The following FSIP2 variants were observed in gnomAD, a reference collection of about 807,000 sequenced individuals.
FSIP2 encodes fibrous sheath interacting protein 2, also known as fibrous sheath-interacting protein 2.
A neutral mutation model predicts 510.5 loss-of-function variants in FSIP2; 367 were observed. The ratio of observed to expected loss-of-function variants is 0.72; its 90% confidence interval spans 0.66 to 0.78. The LOEUF is 0.78. FSIP2 is among the 30% of genes least tolerant of loss of function. FSIP2 has a pLI of 0.00. For synonymous variants in FSIP2, 2,601 were observed against 2,732.2 expected (o/e 0.95, Z 1.50); for missense variants, 7,594 against 7,901.7 (o/e 0.96, Z 1.48).
At chr2:185,772,753 T>C (rs899642431) in intron 13 of FSIP2, among the ~76,000 whole-genome samples, 1 of 152,200 alleles carries the variant, frequency 6.6e-6, no homozygotes, top group South Asian at 2.1e-4. Context: ...TTTGTGTGTT[T>C]TCATAATGGT....
intron 13 of FSIP2, among the ~76,000 whole-genome samples, chr2:185,782,189 C>T (rs1559022296): frequency 1.3e-5 from 2 of 152,144 alleles, no homozygotes; most frequent in African/African-American, 4.8e-5. Flanking sequence ...TGTGGGAAGT[C>T]ATAATCAGGT....
chr2:185,752,768 G>T (rs1372718147), intron 7 of FSIP2, among the ~76,000 whole-genome samples: 1 of 151,124 alleles, frequency 6.6e-6, no homozygotes, highest in Non-Finnish European at 1.5e-5. Context: ...CAACATTTGT[G>T]TCATTTTTGA....
intron 14 of FSIP2, among the ~76,000 whole-genome samples, chr2:185,783,472 T>G (rs571062493): frequency 5.9e-5 from 9 of 152,138 alleles, no homozygotes; most frequent in Non-Finnish European, 1.3e-4. Flanking sequence ...AAACCCCAAA[T>G]TCCTATGAAG....
upstream of FSIP2, chr2:185,738,608 C>T: frequency 6.5e-7 from 1 of 1,535,750 alleles, no homozygotes; most frequent in Non-Finnish European, 8.7e-7. Flanking sequence ...TTGGCTAAGG[C>T]GTGATGGTTT....
Position 185,801,403 on chromosome 2 carries a change from C to A in FSIP2, c.12097C>A (p.Leu4033Met). 6.5e-7 allele frequency: 1 copy of A among 1,534,028 alleles called. No homozygotes were observed. The highest frequency in any genetic ancestry group is 8.7e-7 in the Non-Finnish European group (1 of 1,145,522). The change falls in exon 17 of 23, where the codon CTG becomes ATG. Residue 4033 changes from leucine (L) to methionine (M), a missense_variant. Coordinates refer to ENST00000424728, the MANE Select transcript of FSIP2 (RefSeq NM_173651.4). ...VTVLRNAEERLCFPPVHTETV... is the reference protein window; with the variant it reads ...VTVLRNAEERMCFPPVHTETV... ...TGTTCTACGGAATGCTGAAGAAAGG[C>A]TGTGTTTTCCACCAGTTCATACAGA...
rs546519901 is a variant in FSIP2, at chr2:185,805,680, G to C, written c.16374G>C (p.Met5458Ile). 1.9e-5 allele frequency: 31 copies of C among 1,610,806 alleles called. No individual in the cohort carries two copies. Among genetic ancestry groups the C allele is most frequent in the Middle Eastern group, 3.3e-4 (2 of 6,040 alleles). Residue 5458 changes from methionine (M) to isoleucine (I), a missense_variant, in exon 17 of 23, where the codon ATG becomes ATC. Coordinates refer to ENST00000424728, the MANE Select transcript of FSIP2 (RefSeq NM_173651.4). Reference protein sequence around the residue: ...DTSSTPDCKNMMSTLEINRGT... With the variant: ...DTSSTPDCKNIMSTLEINRGT... ...CTTCCACCCCAGATTGCAAAAACAT[G>C]ATGAGCACTTTGGAAATAAATAGAG...
chr2:185,828,103 T>C, intron 20 of FSIP2, 53 bp from the exon 21 acceptor site: 1 of 970,766 alleles, frequency 1.0e-6, no homozygotes, highest in Admixed American at 1.9e-5. Flanking sequence ...TGTCAACAAA[T>C]ATACATGCCT....
intron 7 of FSIP2, among the ~76,000 whole-genome samples, chr2:185,751,443 A>G (rs1189608031): frequency 7.2e-6 from 1 of 138,336 alleles, no homozygotes; most frequent in African/African-American, 2.7e-5. Flanking sequence ...TTAAGACCAA[A>G]TTTGGGTCTT....
rs1372434058 is a variant in FSIP2 at position 185,790,466 on chromosome 2, C to A, written c.3330C>A (p.Val1110=). The A allele has an allele frequency of 5.9e-6, 9 of 1,533,848 alleles. No homozygotes were observed. Among genetic ancestry groups the A allele is most frequent in the African/African-American group, 2.7e-5 (2 of 72,892 alleles). Residue 1110 remains valine, a synonymous_variant, in exon 16 of 23, where the codon GTC becomes GTA. Transcript: ENST00000424728. Reference sequence around the variant, plus strand: ...TAGAAAAGGCTTCAGAAAACATAGTCACAAGTATTTTAAAGGAAATGCTCA... The same window carrying A: ...TAGAAAAGGCTTCAGAAAACATAGTAACAAGTATTTTAAAGGAAATGCTCA... ...HQIEKASENI[V]TSILKEMLKD... is the part of the protein sequence containing the mutation.
At position 185,799,781 on chromosome 2, in the gene FSIP2, A is replaced by ATTC; in HGVS notation, c.10479_10481dup (p.Ser3494dup). ...CAGTTCCTAAGAAACATATACGATG[A>ATTC]TTCTTCAATTTATCAATGTTGTGAA... is the stretch of plus-strand genomic sequence containing the variant. On this transcript the variant is annotated inframe_insertion, in exon 17 of 23. Transcript: ENST00000424728. 1 of 1,525,328 alleles carries ATTC rather than the reference A, an allele frequency of 6.6e-7. No individual in the cohort carries two copies. The highest frequency in any genetic ancestry group is 8.8e-7 in the Non-Finnish European group (1 of 1,140,434). The allele number at this position is 1,525,328 out of a possible 1,614,324, so 94.5% of individuals were successfully genotyped here.
At chr2:185,828,049 C>T (rs1694045926) in intron 20 of FSIP2, 107 bp from the exon 21 acceptor site, 4 of 686,338 alleles carry the variant, frequency 5.8e-6, no homozygotes, top group Non-Finnish European at 7.7e-6. Flanking sequence ...CCTGCCTAAA[C>T]TATATGATTC....
At chr2:185,817,563 G>C (rs58148758) in intron 19 of FSIP2, among the ~76,000 whole-genome samples, 76,063 of 151,718 alleles carry the variant, frequency 0.5, 19,575 homozygotes, top group South Asian at 0.64. Flanking sequence ...TCTTCACTTC[G>C]GACTGTTTCC....
chr2:185,790,048 AG>A lies in FSIP2; in HGVS notation c.2913del (p.Lys971AsnfsTer22). The A allele has an allele frequency of 6.5e-7, 1 of 1,533,576 alleles. No homozygotes were observed. The allele number at this position is 1,533,576 out of a possible 1,614,324, so 95.0% of individuals were successfully genotyped here. On this transcript the variant is annotated frameshift_variant, in exon 16 of 23. Coordinates refer to ENST00000424728, the MANE Select transcript of FSIP2 (RefSeq NM_173651.4). LOFTEE classifies it high-confidence loss of function. ...RISSPSDTKE[K>X]YRLTGTRLSN... ...AGTAGTCCTTCTGACACCAAAGAAA[AG>A]TACAGACTCACTGGCACTAGATTAT...
chr2:185,783,742 G>T (rs114438088), intron 14 of FSIP2: 1 of 151,970 alleles, frequency 6.6e-6, no homozygotes, highest in African/African-American at 2.4e-5. Context: ...TGATACAAAC[G>T]TTTTTATTTA....
In FSIP2 at chr2:185,760,951, A is replaced by G. The variant is rs12998997; in HGVS notation, c.1079-37A>G. 58 of 846,072 alleles carry G rather than the reference A, an allele frequency of 6.9e-5. No individual in the cohort carries two copies. In the Middle Eastern group the frequency reaches 8.3e-4, roughly 12 times the overall value. 52.4% of individuals were successfully genotyped at this position (846,072 alleles called of 1,614,324 possible). A position where few individuals can be genotyped will look rare whatever the true frequency, so the allele number is the denominator to read the frequency against. On this transcript the variant is annotated intron_variant, in intron 9 of 22. Transcript: ENST00000424728. ...TACTTTCCTAAAGCTGTTAAAAAAA[A>G]AAAAAACTATAGAGTTTCTCTCTCG...
chr2:185,743,103 T>C, intron 2 of FSIP2, 30 bp from the exon 3 acceptor site: 2 of 1,354,760 alleles, frequency 1.5e-6, no homozygotes, highest in Non-Finnish European at 1.9e-6. Flanking sequence ...AATGCATTAA[T>C]TTTACATATT....
In FSIP2 at chr2:185,813,730, A is replaced by G. The variant is rs749866040; in HGVS notation, c.20013A>G (p.Thr6671=). ...RDSDEDEVVL[T]QTFAKEEGIK... ...CTGATGAAGATGAAGTTGTTTTAACACAGACTTTTGCAAAAGAAGAAGGCA... is the reference window on the plus strand; with the variant it reads ...CTGATGAAGATGAAGTTGTTTTAACGCAGACTTTTGCAAAAGAAGAAGGCA... Residue 6671 remains threonine (T), a synonymous_variant, in exon 18 of 23, where the codon ACA becomes ACG. Transcript: ENST00000424728. The G allele has an allele frequency of 1.2e-6, 2 of 1,612,348 alleles. No individual in the cohort carries two copies. The highest frequency in any genetic ancestry group is 1.7e-5 in the Admixed American group (1 of 59,758).
At chr2:185,768,608 C>A (rs1031873372) in intron 13 of FSIP2, among the ~76,000 whole-genome samples, 7 of 151,904 alleles carry the variant, frequency 4.6e-5, no homozygotes, top group Non-Finnish European at 8.8e-5. Context: ...TTTTAATGGG[C>A]AAATAGTTAT....
At chr2:185,740,702 T>C (rs1691906164) in intron 2 of FSIP2, among the ~76,000 whole-genome samples, 1 of 152,124 alleles carries the variant, frequency 6.6e-6, no homozygotes, top group Admixed American at 6.5e-5. Context: ...CAGATTCTCG[T>C]GGGGGTCCTT....
Sources: allele counts gnomAD v4.1 joint callset (sites outside exome capture counted in the v4.1 genomes callset), GRCh38; gene constraint gnomAD v4.1.1; transcripts MANE v1.5; gene names NCBI Gene and HGNC (gene_info 2026-07-23, HGNC 2026-07-21).